Variants in MARK1 observed in about 807,000 individuals in gnomAD.
MARK1 encodes the protein serine/threonine-protein kinase MARK1.
Under a neutral mutation model 96.3 loss-of-function variants are expected in MARK1, and 40 were observed. The ratio of observed to expected loss-of-function variants is 0.42; its 90% CI spans 0.32 to 0.54. The LOEUF (loss-of-function observed/expected upper bound fraction) is 0.54, where lower values mean the gene tolerates loss of function less well. Among genes scored for constraint, MARK1 ranks in the 20% least tolerant of loss-of-function variants. The pLI is 0.16. For missense variants in MARK1, 719 were observed against 984.6 expected (o/e 0.73, Z 3.61); for synonymous variants, 317 against 341.2 (o/e 0.93, Z 0.78).
chr1:220,624,824 A>G (rs570838082), intron 9 of MARK1, among the ~76,000 whole-genome samples: 8 of 152,288 alleles, frequency 5.3e-5, no homozygotes, highest in Admixed American at 2.0e-4. Flanking sequence ...TATTGCTCCT[A>G]TATTTCTTGC....
intron 1 of MARK1, among the ~76,000 whole-genome samples, chr1:220,536,580 G>C (rs1368909963): frequency 6.7e-6 from 1 of 150,364 alleles, no homozygotes; most frequent in Non-Finnish European, 1.5e-5. Context: ...TTTTGAGATG[G>C]AGTCTTATTC....
At chr1:220,562,875 T>G (rs533214152) in intron 1 of MARK1, among the ~76,000 whole-genome samples, 1 of 152,296 alleles carries the variant, frequency 6.6e-6, no homozygotes, top group Non-Finnish European at 1.5e-5. Context: ...AGGTTTTGCT[T>G]TTTGGAACTT....
intron 5 of MARK1, 102 bp from the exon 6 acceptor site, chr1:220,603,965 G>A (rs1457352081): frequency 6.3e-6 from 4 of 631,992 alleles, no homozygotes; most frequent in Admixed American, 3.1e-5. Context: ...AAAATTGTGG[G>A]CCAAAAGTTT....
chr1:220,553,435 A>G (rs1042298946), intron 1 of MARK1, among the ~76,000 whole-genome samples: 8 of 152,196 alleles, frequency 5.3e-5, no homozygotes, highest in African/African-American at 1.9e-4. Flanking sequence ...ACCAGGTCCT[A>G]GGGAACTCCC....
intron 1 of MARK1, among the ~76,000 whole-genome samples, chr1:220,543,407 T>C (rs973898632): frequency 6.6e-6 from 1 of 152,210 alleles, no homozygotes; most frequent in African/African-American, 2.4e-5. Context: ...TTTCCAAAAA[T>C]TTTTATACTA....
chr1:220,620,757 C>T (rs1055396240), intron 9 of MARK1, among the ~76,000 whole-genome samples: 1 of 152,110 alleles, frequency 6.6e-6, no homozygotes, highest in Non-Finnish European at 1.5e-5. Flanking sequence ...CTGCAACTTT[C>T]TGTTCCAGCT....
Position 220,659,210 on chromosome 1 carries a change from T to C in MARK1, c.2033+1376T>C, listed in dbSNP as rs141231944. ...CTATTTTTGCTTTTGAACTGACTTA[T>C]TGAATACTAACTATAAAGTACTTTC... is the stretch of plus-strand genomic sequence containing the variant. On this transcript the variant is annotated intron_variant, in intron 17 of 17. Coordinates refer to ENST00000366917, the MANE Select transcript of MARK1 (RefSeq NM_018650.5). Among the ~76,000 whole-genome samples the C allele has an allele frequency of 2.5e-3, 382 of 152,330 alleles. 4 individuals carry two copies. The highest frequency in any genetic ancestry group is 8.6e-3 in the African/African-American group (357 of 41,568).
In MARK1 at chr1:220,662,497, A is replaced by C. The variant is rs1425466873; in HGVS notation, c.*331A>C. The C allele has an allele frequency of 9.9e-6, 2 of 202,028 alleles. No homozygotes were observed. The highest frequency in any genetic ancestry group is 4.6e-5 in the African/African-American group (2 of 43,400). 12.5% of individuals were successfully genotyped at this position (202,028 alleles called of 1,614,324 possible). ...ATTTCTGCACCTGAATGTATGTTTGATGCTTTGATTTGAAAATGTTCTTCC... is the reference window on the plus strand; with the variant it reads ...ATTTCTGCACCTGAATGTATGTTTGCTGCTTTGATTTGAAAATGTTCTTCC... On this transcript the variant is annotated 3_prime_UTR_variant, in exon 18 of 18. Coordinates refer to ENST00000366917, the MANE Select transcript of MARK1 (RefSeq NM_018650.5).
At chr1:220,604,184 T>C (rs776700022) in intron 6 of MARK1, 47 bp downstream of exon 6, 1 of 1,245,786 alleles carries the variant, frequency 8.0e-7, no homozygotes, top group South Asian at 1.2e-5. Flanking sequence ...ATTGTAGCGA[T>C]GTACAATGGA....
intron 7 of MARK1, among the ~76,000 whole-genome samples, chr1:220,617,932 T>C (rs1666847503): frequency 6.6e-6 from 1 of 152,184 alleles, no homozygotes; most frequent in African/African-American, 2.4e-5. Flanking sequence ...TCATGTTGGT[T>C]TAAGTCCCAG....
intron 3 of MARK1, among the ~76,000 whole-genome samples, chr1:220,581,759 T>G (rs1664256627): frequency 1.3e-5 from 2 of 152,112 alleles, no homozygotes. Flanking sequence ...TGAAACAACA[T>G]AGAGAGAAAA....
chr1:220,610,448 G>A (rs189268432), intron 6 of MARK1, among the ~76,000 whole-genome samples: 20 of 152,174 alleles, frequency 1.3e-4, no homozygotes, highest in East Asian at 3.9e-4. Context: ...TTAGCCATTC[G>A]TCTAATCTTT....
chr1:220,648,067 A>G (rs1167858427), intron 13 of MARK1, among the ~76,000 whole-genome samples: 1 of 151,922 alleles, frequency 6.6e-6, no homozygotes, highest in East Asian at 1.9e-4. Flanking sequence ...TAAAAATTAA[A>G]AAAAAAAAAG....
intron 12 of MARK1, 151 bp downstream of exon 12, chr1:220,635,680 G>A: frequency 8.8e-7 from 1 of 1,136,552 alleles, no homozygotes; most frequent in South Asian, 1.7e-5. Context: ...CCCTTTTGCA[G>A]GGACTGACCT....
rs146763234 is a variant in MARK1 at position 220,614,818 on chromosome 1, TTC to T, written c.496-1117_496-1116del. Among the ~76,000 whole-genome samples, 1,273 of 152,258 alleles carry T rather than the reference TTC, an allele frequency of 8.4e-3. 16 individuals are homozygous for T. Among genetic ancestry groups the T allele is most frequent in the African/African-American group, 0.028 (1,162 of 41,562 alleles). On this transcript the variant is annotated intron_variant, in intron 6 of 17. Transcript: ENST00000366917. Reference sequence around the variant, plus strand: ...GATGATTTTGTTTTGAATTCATGTTTTCTCTGTCTTCAAACCATTTTAATATA... The same window carrying T: ...GATGATTTTGTTTTGAATTCATGTTTTCTGTCTTCAAACCATTTTAATATA...
intron 1 of MARK1, among the ~76,000 whole-genome samples, chr1:220,567,194 A>G (rs2102796863): frequency 1.3e-5 from 2 of 152,282 alleles, no homozygotes; most frequent in Middle Eastern, 6.8e-3. Flanking sequence ...AAATTGCTTA[A>G]TACTCTACCT....
At chr1:220,566,771 T>G (rs1332550941) in intron 1 of MARK1, among the ~76,000 whole-genome samples, 5 of 152,158 alleles carry the variant, frequency 3.3e-5, no homozygotes, top group African/African-American at 1.2e-4. Context: ...TTCTATCTAC[T>G]TAGTAACTAC....
chr1:220,599,851 T>A lies in MARK1; in HGVS notation c.412T>A (p.Tyr138Asn). 1 of 1,607,868 alleles carries A rather than the reference T, an allele frequency of 6.2e-7. No individual in the cohort carries two copies. The highest frequency in any genetic ancestry group is 8.5e-7 in the Non-Finnish European group (1 of 1,176,620). Residue 138 changes from tyrosine to asparagine, a missense_variant, in exon 5 of 18, where the codon TAC becomes AAC. Physicochemically the swap from Tyr to Asn is moderately radical, Grantham distance 143. Around this residue, in one of 4 missense-constraint regions of MARK1, gnomAD observed 96 missense variants for 213.1 expected, o/e 0.45. Transcript: ENST00000366917. ...GAAGACTCTCTATTTAGTCATGGAA[T>A]ACGCGAGTGGGGGTAAGAATGAGGG... ...TEKTLYLVME[Y>N]ASGGEVFDYL...
intron 1 of MARK1, among the ~76,000 whole-genome samples, chr1:220,568,315 C>G (rs1261892119): frequency 6.6e-6 from 1 of 152,002 alleles, no homozygotes; most frequent in African/African-American, 2.4e-5. Flanking sequence ...CTTGAGGGAC[C>G]TGAAGGAATT....
Sources: gnomAD v4.1 joint callset for allele counts (sites outside exome capture counted in the v4.1 genomes callset) on GRCh38, gnomAD v4.1.1 for gene constraint, gnomAD v4.1.1 regional missense constraint, MANE v1.5 for transcripts, NCBI Gene and HGNC (gene_info 2026-07-23, HGNC 2026-07-21) for gene names.